The following INO80 variants were observed in gnomAD, a reference collection of about 807,000 sequenced individuals.
INO80 encodes chromatin-remodeling ATPase INO80.
A neutral mutation model predicts 203.4 loss-of-function variants in INO80; 20 were observed. That is an observed-to-expected ratio of 0.10 (90% CI 0.07 to 0.14). INO80 has a LOEUF of 0.14. Among genes scored for constraint, INO80 ranks in the 10% least tolerant of loss-of-function variants. The pLI, the probability that INO80 is intolerant of heterozygous loss-of-function variation, is 1.00. For missense variants in INO80, 1,419 were observed against 1,914.4 expected, an observed-to-expected ratio of 0.74 and a Z score of 4.83; for synonymous variants, 726 against 685.2, an observed-to-expected ratio of 1.06 and a Z score of -0.93.
chr15:41,047,156 G>A (rs775159380), intron 23 of INO80, among the ~76,000 whole-genome samples: 1 of 151,530 alleles, frequency 6.6e-6, no homozygotes, highest in African/African-American at 2.4e-5. Context: ...TTAGAGATGG[G>A]GTTTCTCCAT....
At chr15:41,002,934 C>T (rs902828691) in intron 28 of INO80, among the ~76,000 whole-genome samples, 1 of 152,106 alleles carries the variant, frequency 6.6e-6, no homozygotes, top group Admixed American at 6.6e-5. Context: ...GAAACCTTGT[C>T]TCTACTAAAA....
chr15:41,115,548 T>C (rs1235331136), intron 1 of INO80, among the ~76,000 whole-genome samples: 1 of 152,152 alleles, frequency 6.6e-6, no homozygotes, highest in Non-Finnish European at 1.5e-5. Flanking sequence ...ATCTCATTTG[T>C]TTAAAATGAC....
chr15:41,058,574 T>TGC (rs949928514), intron 16 of INO80, 65 bp downstream of exon 16: 38 of 735,190 alleles, frequency 5.2e-5, no homozygotes, highest in Admixed American at 1.3e-4. Context: ...TGTGTGCGTG[T>TGC]GTGTGTGTGT....
chr15:41,009,502 G>A (rs534657552), intron 27 of INO80, among the ~76,000 whole-genome samples: 4 of 150,604 alleles, frequency 2.7e-5, no homozygotes, highest in Admixed American at 6.6e-5. Context: ...TTGTTCTTGC[G>A]ATAGTTTACT....
At chr15:41,075,761 T>C (rs1274226981) in intron 9 of INO80, among the ~76,000 whole-genome samples, 1 of 151,910 alleles carries the variant, frequency 6.6e-6, no homozygotes, top group African/African-American at 2.4e-5. Flanking sequence ...GCCCGTATTG[T>C]TGTATTTTTT....
At chr15:41,076,197 A>G (rs766087362) in intron 9 of INO80, among the ~76,000 whole-genome samples, 30 of 151,944 alleles carry the variant, frequency 2.0e-4, no homozygotes, top group Non-Finnish European at 4.1e-4. Flanking sequence ...CTCGTCTCTG[A>G]TAAAAATACA....
In INO80 at chr15:41,046,227, A is replaced by ATATATT. The variant is rs2044762832; in HGVS notation, c.2736-1153_2736-1152insAATATA. 5.2e-4 allele frequency among the ~76,000 whole-genome samples: 10 copies of ATATATT among 19,220 alleles called. No homozygotes were observed. In the South Asian group the frequency reaches 0.021, roughly 41 times the overall value. 12.6% of individuals were successfully genotyped at this position (19,220 alleles called of 152,430 possible). A position where few individuals can be genotyped will look rare whatever the true frequency, so the allele number is the denominator to read the frequency against. On this transcript the variant is annotated intron_variant, in intron 23 of 35. Coordinates refer to ENST00000648947, the MANE Select transcript of INO80 (RefSeq NM_017553.3). ...CATACATATATATATATATATATAT[A>ATATATT]TATATATATATATATATATATATAT...
intron 24 of INO80, among the ~76,000 whole-genome samples, chr15:41,038,414 A>G (rs983253149): frequency 6.6e-6 from 1 of 152,114 alleles, no homozygotes; most frequent in African/African-American, 2.4e-5. Flanking sequence ...TTTAACTGTC[A>G]CACTTCAATA....
chr15:41,026,666 C>T (rs2044379787), intron 25 of INO80, among the ~76,000 whole-genome samples: 1 of 152,076 alleles, frequency 6.6e-6, no homozygotes, highest in Non-Finnish European at 1.5e-5. Context: ...GAAATGTCAA[C>T]CTCTTAGAGC....
At position 41,020,866 on chromosome 15, in the gene INO80, C is replaced by G. The variant is rs3214068; in HGVS notation, c.3274+34G>C. ...AACCCTGGTTCTCCCCTTGCCAAAG[C>G]GAGGAACACATTCCAAGAGGATTGA... On this transcript the variant is annotated intron_variant, in intron 26 of 35. Transcript: ENST00000648947. 0.44 allele frequency: 608,190 copies of G among 1,379,098 alleles called. 136,165 individuals carry two copies. Among genetic ancestry groups the G allele is most frequent in the Middle Eastern group, 0.5 (2,712 of 5,472 alleles). The allele number at this position is 1,379,098 out of a possible 1,614,324, so 85.4% of individuals were successfully genotyped here.
chr15:40,998,359 A>T (rs2140428450), intron 28 of INO80, among the ~76,000 whole-genome samples: 1 of 152,260 alleles, frequency 6.6e-6, no homozygotes, highest in South Asian at 2.1e-4. Flanking sequence ...GTTGAGTCCC[A>T]GAAAAATGAC....
At chr15:40,991,979 T>A (rs2043822986) in intron 29 of INO80, among the ~76,000 whole-genome samples, 1 of 152,168 alleles carries the variant, frequency 6.6e-6, no homozygotes. Flanking sequence ...GGTTTCACTG[T>A]GTTAGCCAGG....
intron 1 of INO80, among the ~76,000 whole-genome samples, chr15:41,109,477 T>C (rs2045928657): frequency 6.6e-6 from 1 of 151,588 alleles, no homozygotes; most frequent in African/African-American, 2.4e-5. Context: ...AATTGGCCAC[T>C]GCCGTATTTA....
In INO80 at chr15:41,072,004, C is replaced by T; in HGVS notation, c.1450G>A (p.Ala484Thr). 1 of 1,612,458 alleles carries T rather than the reference C, an allele frequency of 6.2e-7. No homozygotes were observed. The highest frequency in any genetic ancestry group is 1.1e-5 in the South Asian group (1 of 91,018). ...KESRAAALRA[A>T]NKSGTGFGES... ...CCAAACCCAGTGCCAGACTTGTTTG[C>T]TGCCCGTAGGGCAGCTGCTCGACTT... is the stretch of plus-strand genomic sequence containing the variant. The change falls in exon 12 of 36, where the codon GCA (alanine) becomes ACA (threonine). Residue 484 changes from alanine to threonine, a missense_variant. By Grantham distance (58) the Ala-to-Thr change is moderately conservative. This residue lies in a region of INO80 where 116 missense variants were observed against 119.5 expected (regional missense o/e 0.97). Transcript: ENST00000648947.
intron 26 of INO80, among the ~76,000 whole-genome samples, chr15:41,020,294 C>T (rs1318474590): frequency 6.6e-6 from 1 of 152,178 alleles, no homozygotes; most frequent in Non-Finnish European, 1.5e-5. Context: ...TCCAAGCTAC[C>T]ATTCCAGTTT....
chr15:40,983,500 G>T (rs760523923), intron 34 of INO80, among the ~76,000 whole-genome samples: 1 of 152,178 alleles, frequency 6.6e-6, no homozygotes, highest in Non-Finnish European at 1.5e-5. Context: ...GCAAAGTGAG[G>T]AAAGGCCCAG....
At chr15:41,075,750 A>G (rs2045393156) in intron 9 of INO80, among the ~76,000 whole-genome samples, 1 of 151,804 alleles carries the variant, frequency 6.6e-6, no homozygotes, top group Admixed American at 6.6e-5. Context: ...CACCATGCCC[A>G]GCCCGTATTG....
chr15:41,048,359 A>G (rs2044804776), intron 21 of INO80, 83 bp from the exon 22 acceptor site: 1 of 1,046,334 alleles, frequency 9.6e-7, no homozygotes, highest in Non-Finnish European at 1.5e-6. Flanking sequence ...CATAGCAAGT[A>G]AAACCTTTTA....
chr15:41,024,745 G>C (rs987555126), intron 25 of INO80: 1 of 152,182 alleles, frequency 6.6e-6, no homozygotes, highest in East Asian at 1.9e-4. Flanking sequence ...AGTTCTTCCT[G>C]AACTAACCCT....
Sources: allele counts gnomAD v4.1 joint callset (sites outside exome capture counted in the v4.1 genomes callset), GRCh38; gene constraint gnomAD v4.1.1; regional missense constraint gnomAD v4.1.1; transcripts MANE v1.5; gene names NCBI Gene and HGNC (gene_info 2026-07-23, HGNC 2026-07-21).